Variants in GABRB1 observed in about 807,000 individuals in gnomAD.
The protein encoded by GABRB1 is gamma-aminobutyric acid receptor subunit beta-1.
In GABRB1, 17 loss-of-function variants were observed where a neutral mutation model predicts 51.6. The ratio of observed to expected loss-of-function variants is 0.33; its 90% CI spans 0.23 to 0.49. GABRB1 has a LOEUF of 0.49. GABRB1 is among the 20% of genes least tolerant of loss of function. GABRB1 has a pLI of 0.99. For synonymous variants in GABRB1, 247 were observed against 218.9 expected, an observed-to-expected ratio of 1.13 and a Z score of -1.14; for missense variants, 410 against 600.6, an observed-to-expected ratio of 0.68 and a Z score of 3.32.
intron 4 of GABRB1, among the ~76,000 whole-genome samples, chr4:47,165,600 T>C (rs1221071197): frequency 6.6e-6 from 1 of 152,176 alleles, no homozygotes; most frequent in Admixed American, 6.6e-5. Flanking sequence ...TTATTCTTGT[T>C]CTTCTGTCTT....
intron 3 of GABRB1, among the ~76,000 whole-genome samples, chr4:47,127,150 T>TC (rs1716182888): frequency 6.6e-6 from 1 of 151,852 alleles, no homozygotes. Context: ...AATTTCCTAA[T>TC]TATAGTATCT....
At chr4:47,377,900 G>A (rs1383108376) in intron 5 of GABRB1, among the ~76,000 whole-genome samples, 2 of 152,322 alleles carry the variant, frequency 1.3e-5, no homozygotes, top group South Asian at 4.1e-4. Context: ...ACAGAGTGCC[G>A]ATTGGTGTAT....
chr4:47,051,876 C>G (rs917605014), intron 3 of GABRB1, among the ~76,000 whole-genome samples: 10 of 152,210 alleles, frequency 6.6e-5, no homozygotes, highest in East Asian at 1.9e-4. Context: ...CGCCCGTAAT[C>G]CCAGCACTTT....
chr4:47,230,463 A>T (rs1205381117), intron 4 of GABRB1, among the ~76,000 whole-genome samples: 1 of 152,184 alleles, frequency 6.6e-6, no homozygotes, highest in Non-Finnish European at 1.5e-5. Flanking sequence ...GAGCTAGAGC[A>T]GCAGGAAGAG....
intron 8 of GABRB1, among the ~76,000 whole-genome samples, chr4:47,411,904 T>C (rs1241398520): frequency 6.6e-6 from 1 of 152,184 alleles, no homozygotes; most frequent in South Asian, 2.1e-4. Context: ...AGAATTAAAA[T>C]TTTTATTAGA....
chr4:47,202,063 T>A lies in GABRB1; in HGVS notation c.461+40594T>A, dbSNP rs759445238. Among the ~76,000 whole-genome samples, 7 of 152,294 alleles carry A rather than the reference T, an allele frequency of 4.6e-5. No individual in the cohort carries two copies. In the South Asian group the frequency reaches 1.5e-3, roughly 32 times the overall value. ...AGGTTGTTGATGTGGTTAGGCCTTG[T>A]GTCCCCACCCAAATCTCATCCATAA... On this transcript the variant is annotated intron_variant, in intron 4 of 8. Transcript: ENST00000295454.
intron 4 of GABRB1, among the ~76,000 whole-genome samples, chr4:47,196,693 C>T (rs1328204407): frequency 6.6e-6 from 1 of 152,184 alleles, no homozygotes; most frequent in Non-Finnish European, 1.5e-5. Flanking sequence ...TAAGAAAATG[C>T]ATGCCCAAAC....
intron 4 of GABRB1, among the ~76,000 whole-genome samples, chr4:47,173,026 TCC>T (rs1488028100): frequency 6.6e-6 from 1 of 152,152 alleles, no homozygotes; most frequent in Non-Finnish European, 1.5e-5. Flanking sequence ...AGCTGCCTGG[TCC>T]ATTTTCTTCT....
chr4:47,262,237 AC>A (rs935513144), intron 4 of GABRB1, among the ~76,000 whole-genome samples: 1 of 152,188 alleles, frequency 6.6e-6, no homozygotes, highest in Non-Finnish European at 1.5e-5. Context: ...AAAAGAAACT[AC>A]CTTCAGAGTG....
At chr4:47,360,008 G>T (rs1346844784) in intron 5 of GABRB1, among the ~76,000 whole-genome samples, 1 of 151,920 alleles carries the variant, frequency 6.6e-6, no homozygotes, top group African/African-American at 2.4e-5. Flanking sequence ...CACTCTGGGA[G>T]CCTGTTACAT....
At chr4:47,395,835 A>C (rs2110043369) in intron 5 of GABRB1, among the ~76,000 whole-genome samples, 1 of 152,314 alleles carries the variant, frequency 6.6e-6, no homozygotes, top group Non-Finnish European at 1.5e-5. Flanking sequence ...CTACAAGTAT[A>C]TGCAAATATG....
At chr4:47,350,353 T>A (rs1252682434) in intron 5 of GABRB1, among the ~76,000 whole-genome samples, 5 of 150,372 alleles carry the variant, frequency 3.3e-5, no homozygotes, top group African/African-American at 1.2e-4. Flanking sequence ...ATGTGTACAA[T>A]TTTAATATAT....
intron 4 of GABRB1, among the ~76,000 whole-genome samples, chr4:47,271,956 T>C (rs907735316): frequency 2.0e-5 from 3 of 150,512 alleles, no homozygotes; most frequent in Non-Finnish European, 4.4e-5. Flanking sequence ...TACTAGTATA[T>C]ATTTAAGCTT....
chr4:47,237,325 C>T (rs186712827), intron 4 of GABRB1, among the ~76,000 whole-genome samples: 1 of 151,780 alleles, frequency 6.6e-6, no homozygotes, highest in Admixed American at 6.6e-5. Context: ...AGGGACTATA[C>T]AAGAGATTGA....
chr4:47,212,461 G>T (rs1272344149), intron 4 of GABRB1, among the ~76,000 whole-genome samples: 1 of 152,098 alleles, frequency 6.6e-6, no homozygotes, highest in Non-Finnish European at 1.5e-5. Flanking sequence ...TGGATCACCT[G>T]CGGTCAGGAG....
intron 5 of GABRB1, among the ~76,000 whole-genome samples, chr4:47,327,606 T>G (rs1379362057): frequency 6.6e-6 from 1 of 152,202 alleles, no homozygotes; most frequent in Non-Finnish European, 1.5e-5. Context: ...CACTGGTTTC[T>G]TGTTTTAAAA....
intron 4 of GABRB1, among the ~76,000 whole-genome samples, chr4:47,299,851 C>T (rs1293193015): frequency 1.2e-4 from 18 of 151,932 alleles, no homozygotes; most frequent in Admixed American, 4.6e-4. Flanking sequence ...AAATGTCCAA[C>T]AATGATAGAC....
rs188806746 is a variant in GABRB1, at chr4:47,348,056, C to T, written c.544+27847C>T. ...GAATGCCTCCTCCTTCTTAAAAGAC[C>T]TACTTCCTGGTCCCTAGCTTTCTTC... On this transcript the variant is annotated intron_variant, in intron 5 of 8. Coordinates refer to ENST00000295454, the MANE Select transcript of GABRB1 (RefSeq NM_000812.4). Among the ~76,000 whole-genome samples the T allele has an allele frequency of 4.3e-3, 650 of 152,288 alleles. 3 individuals carry two copies. Among genetic ancestry groups the T allele is most frequent in the Non-Finnish European group, 6.9e-3 (467 of 68,010 alleles).
At chr4:47,005,295 G>A (rs1438515551) in intron 1 of GABRB1, among the ~76,000 whole-genome samples, 1 of 152,190 alleles carries the variant, frequency 6.6e-6, no homozygotes, top group African/African-American at 2.4e-5. Context: ...GCGGGCGCCT[G>A]TAGTCCCAGC....
Sources: allele counts gnomAD v4.1 joint callset (sites outside exome capture counted in the v4.1 genomes callset), GRCh38; gene constraint gnomAD v4.1.1; transcripts MANE v1.5; gene names NCBI Gene and HGNC (gene_info 2026-07-23, HGNC 2026-07-21).